Variants in ZNF333 observed in about 807,000 individuals in gnomAD.
ZNF333 encodes zinc finger protein 333.
ZNF333 carries 61 observed loss-of-function variants against 76.1 expected under a neutral mutation model. The ratio of observed to expected loss-of-function variants is 0.80; its 90% CI spans 0.65 to 0.99. The LOEUF is 0.99. Among genes scored for constraint, ZNF333 ranks in the 50% least tolerant of loss-of-function variants. The pLI is 0.00. For missense variants in ZNF333, 717 were observed against 822.4 expected (o/e 0.87, Z 1.57); for synonymous variants, 284 against 305.0 (o/e 0.93, Z 0.72).
chr19:14,693,557 G>GGC, intron 2 of ZNF333, 63 bp downstream of exon 2: 4 of 1,538,784 alleles, frequency 2.6e-6, no homozygotes, highest in Non-Finnish European at 3.5e-6. Context: ...ATGTCCTCTG[G>GGC]GCCCTGTCTT....
chr19:14,707,578 G>A (rs1405473590), intron 7 of ZNF333, among the ~76,000 whole-genome samples: 2 of 129,580 alleles, frequency 1.5e-5, no homozygotes, highest in Non-Finnish European at 3.1e-5. Context: ...TTGAGACGGA[G>A]TCTCACTCTT....
At chr19:14,730,001 A>G (rs150192195) in intron 11 of ZNF333, among the ~76,000 whole-genome samples, 2 of 152,134 alleles carry the variant, frequency 1.3e-5, no homozygotes, top group Admixed American at 1.3e-4. Context: ...TAAAATGACT[A>G]CTTTAGCCAA....
At chr19:14,710,867 C>T (rs982967871) in intron 7 of ZNF333, among the ~76,000 whole-genome samples, 2 of 152,122 alleles carry the variant, frequency 1.3e-5, no homozygotes, top group African/African-American at 4.8e-5. Context: ...GCACCAACAT[C>T]TGCTCCTGGC....
At chr19:14,703,900 C>T (rs984960185) in intron 5 of ZNF333, among the ~76,000 whole-genome samples, 1 of 152,140 alleles carries the variant, frequency 6.6e-6, no homozygotes, top group Non-Finnish European at 1.5e-5. Flanking sequence ...TGGACAAGGA[C>T]AGCATTCCTG....
rs1039005257 is a variant in ZNF333, at chr19:14,721,091, C to G, written c.*1766C>G. The G allele has an allele frequency of 7.7e-6, 4 of 522,098 alleles. No homozygotes were observed. In the African/African-American group the frequency reaches 8.3e-5, roughly 11 times the overall value. The allele number at this position is 522,098 out of a possible 1,614,324, so 32.3% of individuals were successfully genotyped here. On this transcript the variant is annotated 3_prime_UTR_variant, in exon 12 of 12. Coordinates refer to ENST00000292530, the MANE Select transcript of ZNF333 (RefSeq NM_032433.4). ...AATAGATAGTAGCCACTGCCTGAAG[C>G]TTTGCATCTTTTAATTTAGTCCTCA... is the stretch of plus-strand genomic sequence containing the variant.
Position 14,695,613 on chromosome 19 carries a change from G to A in ZNF333, c.175G>A (p.Ala59Thr), listed in dbSNP as rs771316157. The A allele has an allele frequency of 3.5e-5, 56 of 1,614,198 alleles. No homozygotes were observed. In the East Asian group the frequency reaches 1.2e-3, roughly 36 times the overall value. Residue 59 changes from alanine (A) to threonine (T), a missense_variant, in exon 4 of 12, where the codon GCA becomes ACA. Physicochemically the swap from Ala to Thr is moderately conservative, Grantham distance 58. Coordinates refer to ENST00000292530, the MANE Select transcript of ZNF333 (RefSeq NM_032433.4). ...PSCVSQLGQR[A>T]EPKATERGIL... ...TTGTGTCTCCCAGCTGGGGCAAAGA[G>A]CAGAGCCAAAGGCAACAGAACGAGG...
intron 7 of ZNF333, among the ~76,000 whole-genome samples, chr19:14,707,618 C>G (rs190869012): frequency 7.4e-6 from 1 of 136,024 alleles, no homozygotes; most frequent in East Asian, 2.3e-4. Flanking sequence ...GTGGCACTAT[C>G]CCGGCTCACT....
chr19:14,699,455 T>G, intron 5 of ZNF333, 174 bp downstream of exon 5: 1 of 559,688 alleles, frequency 1.8e-6, no homozygotes, highest in African/African-American at 1.9e-5. Flanking sequence ...ACCCAGACTG[T>G]TGCTCAAGAC....
At chr19:14,708,231 C>T in intron 7 of ZNF333, 1 of 390,726 alleles carries the variant, frequency 2.6e-6, no homozygotes, top group Non-Finnish European at 4.5e-6. Flanking sequence ...TGGTCTCGAA[C>T]TCTTGACTTC....
downstream of ZNF333, among the ~76,000 whole-genome samples, chr19:14,723,100 A>G (rs920478629): frequency 6.6e-6 from 1 of 152,180 alleles, no homozygotes; most frequent in South Asian, 2.1e-4. Flanking sequence ...TAATTTTTAT[A>G]TATGGAGTAA....
At chr19:14,703,619 A>G (rs965700999) in intron 5 of ZNF333, among the ~76,000 whole-genome samples, 9 of 152,236 alleles carry the variant, frequency 5.9e-5, no homozygotes, top group East Asian at 1.9e-4. Flanking sequence ...GGAAGCACCA[A>G]GGTCAGCCTG....
chr19:14,717,601 G>T, intron 10 of ZNF333, 56 bp from the exon 11 acceptor site: 1 of 1,516,278 alleles, frequency 6.6e-7, no homozygotes, highest in South Asian at 1.1e-5. Context: ...AGGTGACCTT[G>T]ATCCCACAGT....
In ZNF333 at chr19:14,721,492, A is replaced by G. The variant is rs1250805426; in HGVS notation, c.*2167A>G. On this transcript the variant is annotated 3_prime_UTR_variant, in exon 12 of 12. Transcript: ENST00000292530. ...ACTATTCTGATGTCTATCACCATAG[A>G]TTTGTTTTTCCTGTTCATGTAAATG... The G allele has an allele frequency of 6.6e-6, 1 of 151,870 alleles. No homozygotes were observed. The highest frequency in any genetic ancestry group is 1.5e-5 in the Non-Finnish European group (1 of 67,972). 9.4% of individuals were successfully genotyped at this position (151,870 alleles called of 1,614,324 possible). A position where few individuals can be genotyped will look rare whatever the true frequency, so the allele number is the denominator to read the frequency against.
rs571695881 is a variant in ZNF333, at chr19:14,693,901, G to C, written c.3+407G>C. Among the ~76,000 whole-genome samples the C allele has an allele frequency of 2.0e-5, 3 of 149,330 alleles. No individual in the cohort carries two copies. In the East Asian group the frequency reaches 6.0e-4, roughly 30 times the overall value. On this transcript the variant is annotated intron_variant, in intron 2 of 11. Coordinates refer to ENST00000292530, the MANE Select transcript of ZNF333 (RefSeq NM_032433.4). Reference sequence around the variant, plus strand: ...AGGTTGAGGTGGGAGGATAGCTTGAGCCCAGGAGATTGAGGCTGCATTGAG... The same window carrying C: ...AGGTTGAGGTGGGAGGATAGCTTGACCCCAGGAGATTGAGGCTGCATTGAG...
intron 4 of ZNF333, among the ~76,000 whole-genome samples, chr19:14,697,357 C>CTTTTTTTTTTT (rs139125023): frequency 1.6e-3 from 144 of 90,780 alleles, no homozygotes; most frequent in Non-Finnish European, 2.0e-3. Context: ...TTTTTCTTTT[C>CTTTTTTTTTTT]TTTTTTTTTT....
At chr19:14,706,968 A>G (rs1424725166) in intron 7 of ZNF333, 195 bp downstream of exon 7, 1 of 525,838 alleles carries the variant, frequency 1.9e-6, no homozygotes, top group Admixed American at 3.8e-5. Flanking sequence ...CAGATCTTTA[A>G]GAAAGAGAGG....
chr19:14,700,782 G>C (rs1179129234), intron 5 of ZNF333, among the ~76,000 whole-genome samples: 2 of 152,204 alleles, frequency 1.3e-5, no homozygotes, highest in Non-Finnish European at 2.9e-5. Context: ...GGGTCAGTGA[G>C]AACCCCGGGA....
intron 7 of ZNF333, chr19:14,708,309 A>G: frequency 2.5e-6 from 1 of 400,862 alleles, no homozygotes. Context: ...TGCCTGACCT[A>G]TTTTGTTACT....
chr19:14,730,617 C>A (rs1429263374), intron 11 of ZNF333, among the ~76,000 whole-genome samples: 1 of 151,866 alleles, frequency 6.6e-6, no homozygotes, highest in African/African-American at 2.4e-5. Flanking sequence ...TTGTAATAAC[C>A]CAAACTGGGA....
Sources: gnomAD v4.1 joint callset for allele counts (sites outside exome capture counted in the v4.1 genomes callset) on GRCh38, gnomAD v4.1.1 for gene constraint, MANE v1.5 for transcripts, NCBI Gene and HGNC (gene_info 2026-07-23, HGNC 2026-07-21) for gene names.